KCNN3: variants seen among roughly 807,000 people sequenced by gnomAD.
KCNN3 encodes the protein small conductance calcium-activated potassium channel protein 3.
KCNN3 carries 16 observed loss-of-function variants against 62.9 expected under a neutral mutation model. The observed-to-expected ratio is 0.25, with a 90% CI of 0.17 to 0.39. The LOEUF (loss-of-function observed/expected upper bound fraction) is 0.39. Among genes scored for constraint, KCNN3 ranks in the 10% least tolerant of loss-of-function variants. The pLI is 1.00. For synonymous variants in KCNN3, 370 were observed against 389.2 expected (o/e 0.95, Z 0.58); for missense variants, 599 against 949.4 (o/e 0.63, Z 4.85).
At chr1:154,860,551 C>T (rs551400593) in intron 1 of KCNN3, among the ~76,000 whole-genome samples, 1 of 152,334 alleles carries the variant, frequency 6.6e-6, no homozygotes, top group South Asian at 2.1e-4. Context: ...CCACTGCAGC[C>T]CTGCCCTCCG....
chr1:154,713,459 C>T lies in KCNN3; in HGVS notation c.1899+5G>A. ...TAGGGGATGTCTCCAGACACTGCCA[C>T]TCACCTTGGAAAGGTCCACCAGAGT... On this transcript the variant is annotated splice_donor_5th_base_variant and intron_variant, in intron 7 of 7. Coordinates refer to ENST00000271915, the MANE Select transcript of KCNN3 (RefSeq NM_002249.6). 1 of 1,612,222 alleles carries T rather than the reference C, an allele frequency of 6.2e-7. No homozygotes were observed. Among genetic ancestry groups the T allele is most frequent in the Non-Finnish European group, 8.5e-7 (1 of 1,178,278 alleles).
intron 2 of KCNN3, among the ~76,000 whole-genome samples, chr1:154,795,889 G>A (rs530780900): frequency 9.8e-5 from 15 of 152,352 alleles, no homozygotes; most frequent in Non-Finnish European, 1.9e-4. Context: ...AGATGTGGCC[G>A]CAGAGCAGGG....
At chr1:154,822,051 T>G in intron 2 of KCNN3, 38 bp downstream of exon 2, 1 of 1,500,590 alleles carries the variant, frequency 6.7e-7, no homozygotes, top group East Asian at 2.3e-5. Flanking sequence ...GGCCAAAGGA[T>G]CAGCCGCTGC....
chr1:154,794,131 T>G (rs566049846), intron 2 of KCNN3, among the ~76,000 whole-genome samples: 1 of 152,240 alleles, frequency 6.6e-6, no homozygotes. Flanking sequence ...TAGAATGTTC[T>G]TCCCTTCACT....
intron 2 of KCNN3, among the ~76,000 whole-genome samples, chr1:154,805,404 AG>A (rs1255077709): frequency 6.6e-6 from 1 of 152,200 alleles, no homozygotes; most frequent in Non-Finnish European, 1.5e-5. Context: ...CAGAATCCCT[AG>A]GGGTGGGACT....
intron 7 of KCNN3, among the ~76,000 whole-genome samples, chr1:154,710,229 C>T (rs904391517): frequency 3.9e-5 from 6 of 152,168 alleles, no homozygotes; most frequent in African/African-American, 9.6e-5. Flanking sequence ...AGTGGGAAGG[C>T]GCTGACTTGG....
chr1:154,801,386 C>A (rs553834156), intron 2 of KCNN3, among the ~76,000 whole-genome samples: 16 of 152,212 alleles, frequency 1.1e-4, no homozygotes, highest in East Asian at 7.7e-4. Flanking sequence ...TCTGTAAAAC[C>A]CATTCACTAG....
At chr1:154,834,885 C>T (rs549379865) in intron 1 of KCNN3, among the ~76,000 whole-genome samples, 19 of 152,332 alleles carry the variant, frequency 1.2e-4, no homozygotes, top group African/African-American at 4.1e-4. Context: ...GACCTACACC[C>T]TGAGCTCTTC....
chr1:154,823,354 A>G (rs1454459006), intron 1 of KCNN3, among the ~76,000 whole-genome samples: 1 of 152,220 alleles, frequency 6.6e-6, no homozygotes, highest in African/African-American at 2.4e-5. Context: ...GCACGCCACA[A>G]AAGAAACATT....
chr1:154,744,148 T>C (rs747826480), intron 3 of KCNN3, among the ~76,000 whole-genome samples: 9 of 152,158 alleles, frequency 5.9e-5, no homozygotes, highest in Non-Finnish European at 1.0e-4. Flanking sequence ...CCTATTACAA[T>C]ATAAGGTTCA....
chr1:154,841,960 G>A (rs551092261), intron 1 of KCNN3, among the ~76,000 whole-genome samples: 93 of 152,346 alleles, frequency 6.1e-4, no homozygotes, highest in African/African-American at 1.9e-3. Context: ...GGAAACGCAC[G>A]CGAGAGTGTA....
In KCNN3 at chr1:154,733,239, T is replaced by C. The variant is rs528901375; in HGVS notation, c.1449-95A>G. ...AGAGCGGGGAAGGAAATGAGATATTTTGCTGAGGAAGAGGCAGCAGTGACG... is the reference window on the plus strand; with the variant it reads ...AGAGCGGGGAAGGAAATGAGATATTCTGCTGAGGAAGAGGCAGCAGTGACG... On this transcript the variant is annotated intron_variant, in intron 3 of 7. Coordinates refer to ENST00000271915, the MANE Select transcript of KCNN3 (RefSeq NM_002249.6). The C allele has an allele frequency of 1.0e-4, 136 of 1,344,210 alleles. No individual in the cohort carries two copies. In the African/African-American group the frequency reaches 1.8e-3, roughly 18 times the overall value. The allele number at this position is 1,344,210 out of a possible 1,614,324, so 83.3% of individuals were successfully genotyped here.
chr1:154,780,260 T>C (rs10908440), intron 2 of KCNN3, among the ~76,000 whole-genome samples: 84,552 of 142,590 alleles, frequency 0.59, 25,692 homozygotes, highest in East Asian at 0.87. Context: ...CACTCGTTTT[T>C]CCCCCCATTC....
chr1:154,709,951 G>C (rs1571198799), intron 7 of KCNN3, among the ~76,000 whole-genome samples: 1 of 152,124 alleles, frequency 6.6e-6, no homozygotes, highest in Non-Finnish European at 1.5e-5. Flanking sequence ...CTTGGATCTT[G>C]GTTTCCTCAT....
At chr1:154,755,061 G>C (rs1647573164) in intron 3 of KCNN3, among the ~76,000 whole-genome samples, 1 of 152,208 alleles carries the variant, frequency 6.6e-6, no homozygotes, top group Non-Finnish European at 1.5e-5. Context: ...TGCCTGGCCT[G>C]CTGCAGTAGC....
At chr1:154,733,980 G>C (rs1000091532) in intron 3 of KCNN3, among the ~76,000 whole-genome samples, 1 of 152,222 alleles carries the variant, frequency 6.6e-6, no homozygotes, top group African/African-American at 2.4e-5. Flanking sequence ...TGCAATCAGG[G>C]GGTGGACAAG....
At chr1:154,760,976 T>G (rs1200898985) in intron 3 of KCNN3, among the ~76,000 whole-genome samples, 1 of 152,172 alleles carries the variant, frequency 6.6e-6, no homozygotes, top group East Asian at 1.9e-4. Flanking sequence ...TAGAGAAAAT[T>G]ATGTGTAAAA....
intron 1 of KCNN3, among the ~76,000 whole-genome samples, chr1:154,856,877 G>C (rs1024515513): frequency 3.3e-5 from 5 of 152,194 alleles, no homozygotes; most frequent in Non-Finnish European, 7.3e-5. Context: ...GATGGCCTGG[G>C]AGACAGATAT....
At chr1:154,733,290 T>A (rs767569544) in intron 3 of KCNN3, 146 bp from the exon 4 acceptor site, 1 of 863,714 alleles carries the variant, frequency 1.2e-6, no homozygotes, top group Non-Finnish European at 1.9e-6. Context: ...CTCTTTAGGC[T>A]ACTGAAGGGG....
Sources: allele counts gnomAD v4.1 joint callset (sites outside exome capture counted in the v4.1 genomes callset), GRCh38; gene constraint gnomAD v4.1.1; transcripts MANE v1.5; gene names NCBI Gene and HGNC (gene_info 2026-07-23, HGNC 2026-07-21).